The following NFIB variants were observed in gnomAD, a reference collection of about 807,000 sequenced individuals.
NFIB encodes nuclear factor I B.
NFIB carries 11 observed loss-of-function variants against 61.5 expected under a neutral mutation model. That is an observed-to-expected ratio of 0.18 (90% CI 0.11 to 0.30). The LOEUF (loss-of-function observed/expected upper bound fraction) is 0.30. Ranked by LOEUF, NFIB falls within the 10% of genes least tolerant of loss-of-function variation. NFIB has a pLI of 1.00. For missense variants in NFIB, 471 were observed against 608.9 expected (o/e 0.77, Z 2.38); for synonymous variants, 260 against 216.5 (o/e 1.20, Z -1.76).
At chr9:14,398,605 G>A in exon 1 of NFIB, 1 of 1,533,220 alleles carries the variant, frequency 6.5e-7, no homozygotes, top group East Asian at 2.5e-5. Flanking sequence ...CAACCCAGAA[G>A]TCCACAGACA....
chr9:14,475,549 C>T, the NFIB span, among the ~76,000 whole-genome samples: 1 of 152,126 alleles, frequency 6.6e-6, no homozygotes, highest in Non-Finnish European at 1.5e-5. Flanking sequence ...TCCTTCATTG[C>T]TCTCCTCCTT....
intron 2 of NFIB, among the ~76,000 whole-genome samples, chr9:14,287,255 C>T (rs1293937029): frequency 2.0e-5 from 3 of 151,732 alleles, no homozygotes; most frequent in African/African-American, 7.3e-5. Context: ...CACGGTGAAA[C>T]CCCGTCTCTA....
At chr9:14,488,993 T>C in the NFIB span, among the ~76,000 whole-genome samples, 1 of 152,156 alleles carries the variant, frequency 6.6e-6, no homozygotes, top group Non-Finnish European at 1.5e-5. Context: ...AACAGCTGTC[T>C]CTTGAAATTG....
chr9:14,371,775 C>T (rs2061361041), intron 1 of NFIB, among the ~76,000 whole-genome samples: 1 of 152,200 alleles, frequency 6.6e-6, no homozygotes, highest in Non-Finnish European at 1.5e-5. Flanking sequence ...GCTCCAGTGA[C>T]TCCATCAATT....
chr9:14,529,693 C>T, the NFIB span, among the ~76,000 whole-genome samples: 5 of 152,132 alleles, frequency 3.3e-5, no homozygotes, highest in Non-Finnish European at 7.4e-5. Context: ...ATAATAATCC[C>T]TTAAACACTT....
chr9:14,504,943 G>A, the NFIB span, among the ~76,000 whole-genome samples: 8 of 152,256 alleles, frequency 5.3e-5, no homozygotes, highest in African/African-American at 1.9e-4. Flanking sequence ...ACTTTTCCCC[G>A]TTCCATACAA....
chr9:14,378,214 A>T (rs1401565659), intron 1 of NFIB, among the ~76,000 whole-genome samples: 1 of 152,240 alleles, frequency 6.6e-6, no homozygotes, highest in Admixed American at 6.5e-5. Context: ...TAAACATTTC[A>T]TAAAGGAATG....
Position 14,125,711 on chromosome 9 carries a change from T to C in NFIB, c.981A>G (p.Ala327=), listed in dbSNP as rs750465037. The part of the protein sequence containing the change: ...KKPEKPLFSS[A]SPQDSSPRLS... ...GTCTTGGGGAAGAATCCTGTGGAGA[T>C]GCAGAGCTGAACAATGGCTTTTCAG... Residue 327 remains alanine (A), a synonymous_variant, in exon 7 of 11, where the codon GCA becomes GCG. Transcript: ENST00000380953. 3.1e-5 allele frequency: 50 copies of C among 1,614,042 alleles called. No individual in the cohort carries two copies. The highest frequency in any genetic ancestry group is 8.5e-7 in the Non-Finnish European group (1 of 1,180,022).
the NFIB span, among the ~76,000 whole-genome samples, chr9:14,468,375 G>A: frequency 6.6e-6 from 1 of 152,196 alleles, no homozygotes; most frequent in African/African-American, 2.4e-5. Flanking sequence ...GGCATTCAGG[G>A]CAGTGAAGGG....
intron 2 of NFIB, among the ~76,000 whole-genome samples, chr9:14,279,196 G>A (rs909226440): frequency 2.0e-5 from 3 of 152,064 alleles, no homozygotes; most frequent in Admixed American, 1.3e-4. Context: ...CGAAGCACAA[G>A]TCCCAGTCAC....
At chr9:14,382,424 C>T (rs1490406004) in intron 1 of NFIB, among the ~76,000 whole-genome samples, 2 of 151,824 alleles carry the variant, frequency 1.3e-5, no homozygotes, top group Non-Finnish European at 2.9e-5. Context: ...GGAAGATGAC[C>T]GATCCACTCT....
chr9:14,311,783 A>G (rs1353281535), intron 1 of NFIB, among the ~76,000 whole-genome samples: 1 of 152,220 alleles, frequency 6.6e-6, no homozygotes, highest in Non-Finnish European at 1.5e-5. Flanking sequence ...CAATTATTCA[A>G]TCTTTTACAG....
intron 10 of NFIB, 132 bp from the exon 11 acceptor site, chr9:14,088,458 T>A: frequency 1.0e-6 from 1 of 958,710 alleles, no homozygotes; most frequent in South Asian, 3.1e-5. Context: ...AAAATTACAG[T>A]CTAATATGAG....
At chr9:14,257,807 T>C (rs2056373118) in intron 2 of NFIB, among the ~76,000 whole-genome samples, 1 of 152,082 alleles carries the variant, frequency 6.6e-6, no homozygotes, top group African/African-American at 2.4e-5. Flanking sequence ...CTAAGACCAA[T>C]AATGTGCCAG....
At chr9:14,492,363 AAAAT>A in the NFIB span, among the ~76,000 whole-genome samples, 17 of 148,082 alleles carry the variant, frequency 1.1e-4, no homozygotes, top group East Asian at 6.0e-4. Flanking sequence ...ACTTTGCCTC[AAAAT>A]AAATAAATAA....
At chr9:14,279,893 T>C (rs1198954553) in intron 2 of NFIB, among the ~76,000 whole-genome samples, 2 of 152,142 alleles carry the variant, frequency 1.3e-5, no homozygotes, top group African/African-American at 2.4e-5. Flanking sequence ...TCTAAAACAA[T>C]TTTCCTTCCC....
chr9:14,352,029 CT>C (rs1282522924), intron 1 of NFIB, among the ~76,000 whole-genome samples: 1 of 152,212 alleles, frequency 6.6e-6, no homozygotes, highest in East Asian at 1.9e-4. Flanking sequence ...CAATAAACTA[CT>C]GTTGAGTGAG....
intron 10 of NFIB, among the ~76,000 whole-genome samples, chr9:14,090,008 CTA>C (rs377595556): frequency 1.3e-3 from 201 of 152,202 alleles, no homozygotes; most frequent in African/African-American, 4.6e-3. Context: ...AGTAAAGTAC[CTA>C]GCACATGGAA....
Position 14,189,001 on chromosome 9 carries a change from T to C in NFIB, c.563-9221A>G, listed in dbSNP as rs192524650. 3.2e-4 allele frequency among the ~76,000 whole-genome samples: 48 copies of C among 152,318 alleles called. No individual in the cohort carries two copies. In the Middle Eastern group the frequency reaches 0.017, roughly 54 times the overall value. On this transcript the variant is annotated intron_variant, in intron 2 of 10. Coordinates refer to ENST00000380953, the MANE Select transcript of NFIB (RefSeq NM_001190737.2). ...ACAAATGCAATGTTTATGATCCTAT[T>C]AGTCTTAAATTTTTCTCTTAAAAGG...
Sources: gnomAD v4.1 joint callset for allele counts (sites outside exome capture counted in the v4.1 genomes callset) on GRCh38, gnomAD v4.1.1 for gene constraint, MANE v1.5 for transcripts, NCBI Gene and HGNC (gene_info 2026-07-23, HGNC 2026-07-21) for gene names.